The following UBR1 variants were observed in gnomAD, a reference collection of about 807,000 sequenced individuals.
UBR1 encodes the protein ubiquitin protein ligase E3 component n-recognin 1.
Under a neutral mutation model 242.1 loss-of-function variants are expected in UBR1, and 102 were observed. That is an observed-to-expected ratio of 0.42 (90% confidence interval 0.36 to 0.50). The LOEUF (loss-of-function observed/expected upper bound fraction) is 0.50, where lower values mean the gene tolerates loss of function less well. UBR1 is among the 20% of genes least tolerant of loss of function. The pLI, the probability that UBR1 is intolerant of heterozygous loss-of-function variation, is 0.01. For missense variants in UBR1, 1,772 were observed against 2,101.8 expected, an observed-to-expected ratio of 0.84 and a Z score of 3.07; for synonymous variants, 675 against 684.8, an observed-to-expected ratio of 0.99 and a Z score of 0.22.
intron 15 of UBR1, among the ~76,000 whole-genome samples, chr15:43,040,910 T>C (rs554910899): frequency 6.6e-6 from 1 of 152,208 alleles, no homozygotes; most frequent in South Asian, 2.1e-4. Flanking sequence ...CTCACACCAG[T>C]TAGAATGGCG....
intron 2 of UBR1, among the ~76,000 whole-genome samples, chr15:43,085,550 C>G (rs1179272242): frequency 6.6e-6 from 1 of 151,806 alleles, no homozygotes; most frequent in African/African-American, 2.4e-5. Flanking sequence ...AGCAATAAAC[C>G]AAGACAAGTA....
At chr15:42,964,646 C>G (rs553786462) in intron 41 of UBR1, among the ~76,000 whole-genome samples, 4 of 152,290 alleles carry the variant, frequency 2.6e-5, no homozygotes, top group Non-Finnish European at 5.9e-5. Context: ...CCTGTGTGAG[C>G]TGCCCCTGGT....
At position 43,030,006 on chromosome 15, in the gene UBR1, T is replaced by C; in HGVS notation, c.2317A>G (p.Ile773Val). The C allele has an allele frequency of 6.2e-7, 1 of 1,614,156 alleles. No homozygotes were observed. Reference protein sequence around the residue: ...TKEEVTMREIIHLLCIEPMPH... With the variant: ...TKEEVTMREIVHLLCIEPMPH... ...ATGGGTTCAATGCAAAGCAAGTGAA[T>C]GATTTCTCTCATTGTGACCTCTTCT... The change falls in exon 21 of 47, where the codon ATT (isoleucine) becomes GTT (valine). Residue 773 changes from isoleucine to valine, a missense_variant. Physicochemically the swap from Ile to Val is conservative, Grantham distance 29. Around this residue, in one of 3 missense-constraint regions of UBR1, gnomAD observed 73 missense variants for 128.9 expected, o/e 0.57. Transcript: ENST00000290650.
rs200899188 is a variant in UBR1, at chr15:43,015,163, C to T, written c.3209+525G>A. Among the ~76,000 whole-genome samples the T allele has an allele frequency of 2.5e-3, 374 of 152,268 alleles. 4 individuals carry two copies. Among genetic ancestry groups the T allele is most frequent in the Admixed American group, 0.02 (299 of 15,298 alleles). ...GGTGTACCCAACAGCTCATTGAGAA[C>T]GGGCCATGATGATAATGGTGGTTTT... On this transcript the variant is annotated intron_variant, in intron 29 of 46. Coordinates refer to ENST00000290650, the MANE Select transcript of UBR1 (RefSeq NM_174916.3).
chr15:43,099,475 G>A (rs1320490100), intron 1 of UBR1, among the ~76,000 whole-genome samples: 1 of 152,084 alleles, frequency 6.6e-6, no homozygotes, highest in East Asian at 1.9e-4. Context: ...GGAAATAACA[G>A]AAATATTCTA....
intron 33 of UBR1, among the ~76,000 whole-genome samples, chr15:42,995,922 C>T (rs1386263688): frequency 7.2e-5 from 11 of 152,246 alleles, no homozygotes. Context: ...AGTCCAAATT[C>T]TTACAAACCT....
Position 42,958,013 on chromosome 15 carries a change from C to A in UBR1, c.4835G>T (p.Arg1612Met). Residue 1612 changes from arginine to methionine, a missense_variant and splice_region_variant, in exon 44 of 47, where the codon AGG becomes ATG. Arg to Met is a moderately conservative substitution (Grantham distance 91). This residue lies in a region of UBR1 where 965 missense variants were observed against 1,079.7 expected (regional missense o/e 0.89). Coordinates refer to ENST00000290650, the MANE Select transcript of UBR1 (RefSeq NM_174916.3). Reference protein sequence around the residue: ...SCLLNQASHFRCPRSADDERK... With the variant: ...SCLLNQASHFMCPRSADDERK... ...ACATATATATACACACTCTCCTTAC[C>A]TGAAATGAGAAGCTTGATTCAGGAG... 6.2e-7 allele frequency: 1 copy of A among 1,611,678 alleles called. No homozygotes were observed. Among genetic ancestry groups the A allele is most frequent in the Non-Finnish European group, 8.5e-7 (1 of 1,178,342 alleles).
chr15:42,981,858 C>T (rs569882283), intron 37 of UBR1, among the ~76,000 whole-genome samples: 2 of 152,228 alleles, frequency 1.3e-5, no homozygotes, highest in East Asian at 3.9e-4. Context: ...ATTAAAATGG[C>T]AAGGAACATA....
At chr15:43,026,761 C>A in intron 22 of UBR1, 98 bp from the exon 23 acceptor site, 1 of 1,046,600 alleles carries the variant, frequency 9.6e-7, no homozygotes, top group South Asian at 1.4e-5. Context: ...GTCAAATATA[C>A]AGAAAAAAAT....
chr15:43,015,124 C>G (rs1339061939), intron 29 of UBR1, among the ~76,000 whole-genome samples: 1 of 152,168 alleles, frequency 6.6e-6, no homozygotes, highest in African/African-American at 2.4e-5. Flanking sequence ...GCCCGGCCAC[C>G]ACCCCGTCTG....
At chr15:43,033,437 A>T (rs961964201) in intron 19 of UBR1, among the ~76,000 whole-genome samples, 5 of 152,036 alleles carry the variant, frequency 3.3e-5, no homozygotes, top group African/African-American at 1.2e-4. Context: ...CAAGGTCAGG[A>T]GTTTGAGACC....
At chr15:43,100,582 A>G (rs2034219857) in intron 1 of UBR1, among the ~76,000 whole-genome samples, 1 of 152,174 alleles carries the variant, frequency 6.6e-6, no homozygotes, top group African/African-American at 2.4e-5. Context: ...CATACCTGTA[A>G]TCCCAGCAGT....
At chr15:43,076,741 C>T (rs2033903195) in intron 3 of UBR1, among the ~76,000 whole-genome samples, 2 of 141,932 alleles carry the variant, frequency 1.4e-5, no homozygotes, top group African/African-American at 2.6e-5. Flanking sequence ...GGAGCGTCTC[C>T]GCCTGGCAGC....
chr15:42,949,760 C>A (rs1198738620), intron 46 of UBR1, among the ~76,000 whole-genome samples: 3 of 151,458 alleles, frequency 2.0e-5, no homozygotes, highest in Non-Finnish European at 2.9e-5. Flanking sequence ...GATAGCGCCA[C>A]TGCACTGTAG....
chr15:43,021,251 G>A (rs1409939428), intron 27 of UBR1, 24 bp downstream of exon 27: 1 of 1,592,200 alleles, frequency 6.3e-7, no homozygotes, highest in African/African-American at 1.3e-5. Flanking sequence ...ACCAAGATAT[G>A]ATCACTTTAC....
chr15:43,002,396 T>C (rs1385746007), intron 32 of UBR1, among the ~76,000 whole-genome samples, 159 bp downstream of exon 32: 1 of 151,954 alleles, frequency 6.6e-6, no homozygotes, highest in Non-Finnish European at 1.5e-5. Flanking sequence ...TTTTTTTGTA[T>C]TTTTTGTAGA....
At chr15:43,071,591 T>C (rs1040644977) in intron 4 of UBR1, among the ~76,000 whole-genome samples, 6 of 152,080 alleles carry the variant, frequency 3.9e-5, no homozygotes, top group African/African-American at 1.4e-4. Flanking sequence ...ACTATATTCT[T>C]AAAAACGGTT....
intron 6 of UBR1, among the ~76,000 whole-genome samples, chr15:43,067,607 A>G (rs1280588457): frequency 1.3e-5 from 2 of 152,240 alleles, no homozygotes; most frequent in Admixed American, 6.5e-5. Flanking sequence ...CATTCATTCA[A>G]TAAATAATTA....
chr15:42,950,974 G>A (rs2031824253), intron 45 of UBR1, among the ~76,000 whole-genome samples: 1 of 152,204 alleles, frequency 6.6e-6, no homozygotes, highest in African/African-American at 2.4e-5. Flanking sequence ...CTGGGATAAG[G>A]TAGTGGGTTT....
Sources: allele counts gnomAD v4.1 joint callset (sites outside exome capture counted in the v4.1 genomes callset), GRCh38; gene constraint gnomAD v4.1.1; regional missense constraint gnomAD v4.1.1; transcripts MANE v1.5; gene names NCBI Gene and HGNC (gene_info 2026-07-23, HGNC 2026-07-21).